The following CNTNAP2 variants were observed in gnomAD, a reference collection of about 807,000 sequenced individuals.
CNTNAP2 encodes contactin-associated protein-like 2.
Under a neutral mutation model 155.2 loss-of-function variants are expected in CNTNAP2, and 98 were observed. The observed-to-expected ratio is 0.63, with a 90% CI of 0.54 to 0.75. The LOEUF is 0.75. Among genes scored for constraint, CNTNAP2 ranks in the 30% least tolerant of loss-of-function variants. The pLI is 0.00. For synonymous variants in CNTNAP2, 651 were observed against 631.2 expected, an observed-to-expected ratio of 1.03 and a Z score of -0.47; for missense variants, 1,727 against 1,688.1, an observed-to-expected ratio of 1.02 and a Z score of -0.40.
intron 13 of CNTNAP2, among the ~76,000 whole-genome samples, chr7:147,776,968 G>C (rs1797594056): frequency 1.3e-5 from 2 of 151,330 alleles, no homozygotes; most frequent in Admixed American, 6.6e-5. Context: ...AGTCATACTT[G>C]AATAAAGTAC....
intron 1 of CNTNAP2, among the ~76,000 whole-genome samples, chr7:146,342,766 A>G (rs1403905428): frequency 6.6e-6 from 1 of 152,178 alleles, no homozygotes. Flanking sequence ...CTGTCTGTCA[A>G]TTCTTATGCT....
chr7:146,585,093 G>A (rs1431851600), intron 1 of CNTNAP2, among the ~76,000 whole-genome samples: 1 of 146,058 alleles, frequency 6.8e-6, no homozygotes. Flanking sequence ...CCAAAGTTGA[G>A]TATCTTGGTG....
chr7:146,440,325 A>G (rs1331048837), intron 1 of CNTNAP2, among the ~76,000 whole-genome samples: 1 of 151,534 alleles, frequency 6.6e-6, no homozygotes, highest in African/African-American at 2.4e-5. Flanking sequence ...TTAACCTAAC[A>G]CTCAATTAAG....
chr7:147,474,067 G>C (rs555388897), intron 10 of CNTNAP2, among the ~76,000 whole-genome samples: 10 of 151,870 alleles, frequency 6.6e-5, no homozygotes, highest in African/African-American at 2.4e-4. Context: ...AGACAAGTAC[G>C]AAACTCCGTC....
intron 1 of CNTNAP2, among the ~76,000 whole-genome samples, chr7:146,662,379 C>T (rs1258013225): frequency 3.3e-5 from 5 of 152,186 alleles, no homozygotes; most frequent in South Asian, 2.1e-4. Flanking sequence ...TCAGTTGATC[C>T]GCCCACCTCG....
At chr7:146,166,793 G>T (rs1798318476) in intron 1 of CNTNAP2, among the ~76,000 whole-genome samples, 1 of 152,206 alleles carries the variant, frequency 6.6e-6, no homozygotes, top group Non-Finnish European at 1.5e-5. Context: ...AAATCTTTCT[G>T]TAGAAGAAGA....
intron 13 of CNTNAP2, among the ~76,000 whole-genome samples, chr7:147,645,274 G>A (rs144141074): frequency 0.011 from 1,617 of 152,140 alleles, 84 homozygotes; most frequent in Admixed American, 0.099. Flanking sequence ...ACTTTGGTGC[G>A]GCTATCAAGC....
At chr7:147,025,337 AGG>A (rs1414820925) in intron 3 of CNTNAP2, among the ~76,000 whole-genome samples, 1 of 36,354 alleles carries the variant, frequency 2.8e-5, no homozygotes, top group Admixed American at 2.5e-4. Context: ...GGGAGAAGAA[AGG>A]GGGGAGGGGA....
At chr7:147,896,724 T>A (rs1209964199) in intron 13 of CNTNAP2, among the ~76,000 whole-genome samples, 1 of 151,872 alleles carries the variant, frequency 6.6e-6, no homozygotes. Context: ...TTAGGGAGGG[T>A]CAGAATCTTG....
rs78121590 is a variant in CNTNAP2, at chr7:147,686,478, T to C, written c.2098+47172T>C. On this transcript the variant is annotated intron_variant, in intron 13 of 23. Coordinates refer to ENST00000361727, the MANE Select transcript of CNTNAP2 (RefSeq NM_014141.6). ...TGAATTTCAGAGAAGAGGTGTATAC[T>C]ATAAATATATATGTGGATTTTGTCA... Among the ~76,000 whole-genome samples the C allele has an allele frequency of 6.8e-3, 1,034 of 152,158 alleles. 11 individuals carry two copies. The highest frequency in any genetic ancestry group is 0.024 in the African/African-American group (976 of 41,532).
chr7:146,231,653 G>T (rs1799387429), intron 1 of CNTNAP2, among the ~76,000 whole-genome samples: 1 of 152,048 alleles, frequency 6.6e-6, no homozygotes, highest in African/African-American at 2.4e-5. Flanking sequence ...AAATTTTATT[G>T]GTCTAATTAA....
chr7:146,725,215 G>A (rs535269583), intron 1 of CNTNAP2, among the ~76,000 whole-genome samples: 49 of 152,214 alleles, frequency 3.2e-4, no homozygotes, highest in Admixed American at 2.6e-3. Flanking sequence ...GGGTCTGCCC[G>A]AATCCAGTAT....
intron 1 of CNTNAP2, among the ~76,000 whole-genome samples, chr7:146,253,049 A>G (rs1326222783): frequency 1.3e-5 from 2 of 152,188 alleles, no homozygotes; most frequent in Non-Finnish European, 2.9e-5. Flanking sequence ...CATAGTTAAT[A>G]AAAGTATTTT....
At chr7:147,465,378 G>A (rs568132630) in intron 10 of CNTNAP2, among the ~76,000 whole-genome samples, 4 of 152,062 alleles carry the variant, frequency 2.6e-5, no homozygotes, top group Non-Finnish European at 4.4e-5. Flanking sequence ...CTTATAAATT[G>A]CAGTGATGTC....
chr7:147,885,321 A>G (rs1031083017), intron 13 of CNTNAP2, among the ~76,000 whole-genome samples: 13 of 152,148 alleles, frequency 8.5e-5, no homozygotes, highest in Admixed American at 3.9e-4. Context: ...AAGAAACCAA[A>G]CTCAGCTTGA....
At chr7:147,829,815 G>A (rs1300179686) in intron 13 of CNTNAP2, among the ~76,000 whole-genome samples, 2 of 152,014 alleles carry the variant, frequency 1.3e-5, no homozygotes, top group African/African-American at 4.8e-5. Context: ...AGTGACCACC[G>A]GGCATCTGCT....
At chr7:146,759,681 C>CAAAAAAAAAAAAAAAAAAA (rs376817827) in intron 1 of CNTNAP2, among the ~76,000 whole-genome samples, 1 of 54,652 alleles carries the variant, frequency 1.8e-5, no homozygotes, top group African/African-American at 4.1e-5. Flanking sequence ...GTGAGACTGT[C>CAAAAAAAAAAAAAAAAAAA]AAAAAAAAAA....
intron 1 of CNTNAP2, among the ~76,000 whole-genome samples, chr7:146,246,160 T>C (rs1376725479): frequency 7.9e-5 from 12 of 151,378 alleles, no homozygotes; most frequent in African/African-American, 2.4e-4. Flanking sequence ...GGTGATTAGG[T>C]TTTAATGAGA....
rs1227117913 is a variant in CNTNAP2, at chr7:147,842,494, A to G, written c.2099-61071A>G. Among the ~76,000 whole-genome samples the G allele has an allele frequency of 2.6e-5, 4 of 151,808 alleles. 1 individual carries two copies. Among genetic ancestry groups the G allele is most frequent in the African/African-American group, 7.2e-5 (3 of 41,424 alleles). ...TGCAGCTCTGAGAACAAGGGGGAAG[A>G]GAATAATTTCAGCCATTTAAAAATA... is the stretch of plus-strand genomic sequence containing the variant. On this transcript the variant is annotated intron_variant, in intron 13 of 23. Coordinates refer to ENST00000361727, the MANE Select transcript of CNTNAP2 (RefSeq NM_014141.6).
Sources: gnomAD v4.1 joint callset for allele counts (sites outside exome capture counted in the v4.1 genomes callset) on GRCh38, gnomAD v4.1.1 for gene constraint, MANE v1.5 for transcripts, NCBI Gene and HGNC (gene_info 2026-07-23, HGNC 2026-07-21) for gene names.